The following RASAL1 variants were observed in gnomAD, a reference collection of about 807,000 sequenced individuals.
The protein encoded by RASAL1 is rasGAP-activating-like protein 1.
RASAL1 carries 72 observed loss-of-function variants against 96.6 expected under a neutral mutation model. That is an observed-to-expected ratio of 0.75 (90% CI 0.62 to 0.91). The LOEUF (loss-of-function observed/expected upper bound fraction) is 0.91, where lower values mean the gene tolerates loss of function less well. RASAL1 is among the 40% of genes least tolerant of loss of function. The probability of loss-of-function intolerance (pLI) is 0.00; values close to 1 mark genes in which losing one functional copy is unlikely to be tolerated. For missense variants in RASAL1, 1,016 were observed against 1,072.5 expected (o/e 0.95, Z 0.74); for synonymous variants, 405 against 430.4 (o/e 0.94, Z 0.73).
intron 4 of RASAL1, among the ~76,000 whole-genome samples, chr12:113,126,703 C>T (rs1430877403): frequency 6.6e-6 from 1 of 151,456 alleles, no homozygotes; most frequent in Non-Finnish European, 1.5e-5. Flanking sequence ...CACACACACA[C>T]ACACACACAC....
At chr12:113,100,407 T>C (rs144494647) in intron 20 of RASAL1, among the ~76,000 whole-genome samples, 15,718 of 152,176 alleles carry the variant, frequency 0.1, 1,075 homozygotes, top group Middle Eastern at 0.19. Flanking sequence ...CAAGCAATTC[T>C]CATGCCTCAG....
chr12:113,103,878 CG>C (rs1566034858), intron 18 of RASAL1, 67 bp downstream of exon 18: 2 of 1,538,108 alleles, frequency 1.3e-6, no homozygotes, highest in Admixed American at 3.9e-5. Context: ...CCAGCCCAGG[CG>C]GAAGTGGGAC....
intron 12 of RASAL1, among the ~76,000 whole-genome samples, chr12:113,114,571 C>T (rs946554315): frequency 1.3e-5 from 2 of 152,164 alleles, no homozygotes; most frequent in African/African-American, 4.8e-5. Context: ...AGTGGCAAAG[C>T]TAAGATTTGA....
At chr12:113,121,812 C>G (rs1951305655) in intron 4 of RASAL1, among the ~76,000 whole-genome samples, 174 bp from the exon 5 acceptor site, 1 of 151,862 alleles carries the variant, frequency 6.6e-6, no homozygotes, top group Admixed American at 6.5e-5. Flanking sequence ...ACCTCTGCCT[C>G]CTGGGCTCAA....
In RASAL1 at chr12:113,107,174, A is replaced by G; in HGVS notation, c.1580T>C (p.Leu527Pro). Residue 527 changes from leucine (L) to proline (P), a missense_variant, in exon 15 of 21, where the codon CTG becomes CCG. Physicochemically the swap from Leu to Pro is moderately conservative, Grantham distance 98 (BLOSUM62 -3). Coordinates refer to ENST00000548055, the MANE Select transcript of RASAL1 (RefSeq NM_001301202.2). ...GACACACTGCAGCAGGAAGGGGTGCAGGGGGGCCATCCACAGTTCCTTGCC... is the reference window on the plus strand; with the variant it reads ...GACACACTGCAGCAGGAAGGGGTGCGGGGGGGCCATCCACAGTTCCTTGCC... The part of the protein sequence containing the change: ...GQGKELWMAP[L>P]HPFLLQCVSR... 6.2e-7 allele frequency: 1 copy of G among 1,613,830 alleles called. No homozygotes were observed. The highest frequency in any genetic ancestry group is 2.2e-5 in the East Asian group (1 of 44,874).
chr12:113,103,915 G>A (rs1473289652), intron 18 of RASAL1, 31 bp downstream of exon 18: 6 of 1,544,006 alleles, frequency 3.9e-6, no homozygotes, highest in Non-Finnish European at 5.2e-6. Flanking sequence ...GGTGGGGAGG[G>A]CGGAGCCTGC....
rs1951859717 is a variant in RASAL1 at position 113,135,022 on chromosome 12, G to A, written c.65+376C>T. Reference sequence around the variant, plus strand: ...GCTAGGCCCCCACCCACGCCTGGAGGAGCCACCTCCAACATCTGCCTGGAC... The same window carrying A: ...GCTAGGCCCCCACCCACGCCTGGAGAAGCCACCTCCAACATCTGCCTGGAC... On this transcript the variant is annotated intron_variant, in intron 1 of 20. Coordinates refer to ENST00000548055, the MANE Select transcript of RASAL1 (RefSeq NM_001301202.2). The surrounding 1 kb of genome is among the most constrained non-coding windows in gnomAD (Gnocchi z 5.7). 2.0e-5 allele frequency among the ~76,000 whole-genome samples: 3 copies of A among 151,930 alleles called. No individual in the cohort carries two copies. Among genetic ancestry groups the A allele is most frequent in the Admixed American group, 6.6e-5 (1 of 15,262 alleles).
intron 13 of RASAL1, among the ~76,000 whole-genome samples, chr12:113,111,151 A>G (rs781385755): frequency 1.3e-5 from 2 of 152,114 alleles, no homozygotes; most frequent in Non-Finnish European, 2.9e-5. Context: ...TGAGTTTTCA[A>G]CTTTTCTATC....
intron 1 of RASAL1, among the ~76,000 whole-genome samples, chr12:113,134,329 C>G (rs925280076): frequency 6.6e-6 from 1 of 152,168 alleles, no homozygotes; most frequent in Admixed American, 6.5e-5. Flanking sequence ...CAGGAAAGTC[C>G]TCTCTGGGAG....
Position 113,135,146 on chromosome 12 carries a change from G to A in RASAL1, c.65+252C>T, listed in dbSNP as rs1282605646. 1.3e-5 allele frequency among the ~76,000 whole-genome samples: 2 copies of A among 151,666 alleles called. No individual in the cohort carries two copies. The highest frequency in any genetic ancestry group is 2.9e-5 in the Non-Finnish European group (2 of 67,938). The stretch of plus-strand genomic sequence containing the variant: ...TGGACGACCCCCTTTAGTACATCCC[G>A]GGAACAAAGACACCCCCTCCCCTGC... On this transcript the variant is annotated intron_variant, in intron 1 of 20. Coordinates refer to ENST00000548055, the MANE Select transcript of RASAL1 (RefSeq NM_001301202.2). This position sits in a 1 kb window ranked among gnomAD's most constrained non-coding sequence, Gnocchi z 5.7.
chr12:113,107,091 A>G lies in RASAL1; in HGVS notation c.1657+6T>C. On this transcript the variant is annotated splice_donor_region_variant and intron_variant, in intron 15 of 20. Transcript: ENST00000548055. ...AGCCAGATGTGGCCGGACCACAGGA[A>G]CTCACCTTCATCCCCATCCACATCC... is the stretch of plus-strand genomic sequence containing the variant. The G allele has an allele frequency of 6.2e-7, 1 of 1,608,486 alleles. No homozygotes were observed. Among genetic ancestry groups the G allele is most frequent in the Non-Finnish European group, 8.5e-7 (1 of 1,177,084 alleles).
At position 113,115,602 on chromosome 12, in the gene RASAL1, G is replaced by C; in HGVS notation, c.1003+33C>G. On this transcript the variant is annotated intron_variant, in intron 10 of 20. Coordinates refer to ENST00000548055, the MANE Select transcript of RASAL1 (RefSeq NM_001301202.2). This position sits in a 1 kb window ranked among gnomAD's most constrained non-coding sequence, Gnocchi z 4.1. ...CCCTCCTGCAAGCCCACCATTGAGG[G>C]CGGTGATGTCGGGGGTTGTGCGGGC... is the stretch of plus-strand genomic sequence containing the variant. 1 of 1,607,130 alleles carries C rather than the reference G, an allele frequency of 6.2e-7. No homozygotes were observed.
chr12:113,105,145 C>T (rs1950601867), intron 16 of RASAL1, among the ~76,000 whole-genome samples: 2 of 152,234 alleles, frequency 1.3e-5, no homozygotes, highest in African/African-American at 2.4e-5. Flanking sequence ...GTGCACACAG[C>T]TCCCCATTCG....
chr12:113,101,328 A>T (rs1329315970), intron 19 of RASAL1, among the ~76,000 whole-genome samples: 2 of 152,230 alleles, frequency 1.3e-5, no homozygotes, highest in African/African-American at 4.8e-5. Flanking sequence ...AAGCAAGAGA[A>T]TCGCTTGAAC....
intron 12 of RASAL1, among the ~76,000 whole-genome samples, chr12:113,112,523 A>G (rs1950907400): frequency 6.6e-6 from 1 of 151,860 alleles, no homozygotes; most frequent in African/African-American, 2.4e-5. Context: ...AAATCTCCGC[A>G]ACACTCCCTT....
rs373254357 is a variant in RASAL1 at position 113,133,090 on chromosome 12, G to A, written c.66-2149C>T. 5.3e-5 allele frequency among the ~76,000 whole-genome samples: 8 copies of A among 152,172 alleles called. No individual in the cohort carries two copies. The East Asian group carries it at 7.7e-4, about 15-fold the overall frequency. On this transcript the variant is annotated intron_variant, in intron 1 of 20. Coordinates refer to ENST00000548055, the MANE Select transcript of RASAL1 (RefSeq NM_001301202.2). Reference sequence around the variant, plus strand: ...CAGATGGGCTGGGATCCCACTAGCCGAGGGCTGGGAGACACACCCCCTCCT... The same window carrying A: ...CAGATGGGCTGGGATCCCACTAGCCAAGGGCTGGGAGACACACCCCCTCCT...
rs1225918318 is a variant in RASAL1 at position 113,121,569 on chromosome 12, G to A, written c.368C>T (p.Ser123Leu). Reference protein sequence around the residue: ...DAEVQGEICLSVQMLEDGQGR... With the variant: ...DAEVQGEICLLVQMLEDGQGR... ...CTGCCCATCCTCCAGCATCTGCACT[G>A]ACAGGCAGATCTCACCCTGCACTTC... The change falls in exon 5 of 21, where the codon TCA becomes TTA. Residue 123 changes from serine (S) to leucine (L), a missense_variant. Physicochemically the swap from Ser to Leu is moderately radical, Grantham distance 145. Transcript: ENST00000548055. 6.2e-7 allele frequency: 1 copy of A among 1,614,140 alleles called. No individual in the cohort carries two copies. The highest frequency in any genetic ancestry group is 8.5e-7 in the Non-Finnish European group (1 of 1,180,016).
chr12:113,127,909 G>A lies in RASAL1; in HGVS notation c.237-36C>T, dbSNP rs373363826. On this transcript the variant is annotated intron_variant, in intron 3 of 20. Transcript: ENST00000548055. ...GCGGGCACGTGAAGGTCTGAGTCAGGGGCCCCTTTGCCCCGCCCCAAGAGA... is the reference window on the plus strand; with the variant it reads ...GCGGGCACGTGAAGGTCTGAGTCAGAGGCCCCTTTGCCCCGCCCCAAGAGA... 7 of 1,608,614 alleles carry A rather than the reference G, an allele frequency of 4.4e-6. No homozygotes were observed. In the African/African-American group the frequency reaches 6.7e-5, roughly 15 times the overall value.
At chr12:113,125,752 C>G (rs1489539001) in intron 4 of RASAL1, among the ~76,000 whole-genome samples, 2 of 152,202 alleles carry the variant, frequency 1.3e-5, no homozygotes, top group Non-Finnish European at 2.9e-5. Context: ...AGTAATTTAT[C>G]TGACCGATGG....
Sources: gnomAD v4.1 joint callset for allele counts (sites outside exome capture counted in the v4.1 genomes callset) on GRCh38, gnomAD v4.1.1 for gene constraint, Gnocchi (gnomAD v3.1) non-coding constraint, MANE v1.5 for transcripts, NCBI Gene and HGNC (gene_info 2026-07-23, HGNC 2026-07-21) for gene names.